LIMCH1: variants seen among roughly 807,000 people sequenced by gnomAD.
The protein encoded by LIMCH1 is LIM and calponin homology domains-containing protein 1.
Under a neutral mutation model 176.5 loss-of-function variants are expected in LIMCH1, and 113 were observed. That is an observed-to-expected ratio of 0.64 (90% CI 0.55 to 0.75). The LOEUF (loss-of-function observed/expected upper bound fraction) is 0.75, where lower values mean the gene tolerates loss of function less well. LIMCH1 is among the 30% of genes least tolerant of loss of function. The pLI is 0.00. For missense variants in LIMCH1, 1,674 were observed against 1,814.9 expected (o/e 0.92, Z 1.41); for synonymous variants, 619 against 645.9 (o/e 0.96, Z 0.63).
intron 22 of LIMCH1, among the ~76,000 whole-genome samples, chr4:41,674,328 A>G (rs552436783): frequency 9.9e-5 from 15 of 152,276 alleles, no homozygotes; most frequent in Non-Finnish European, 2.2e-4. Context: ...TGTTTTTTGT[A>G]TGGCTTTATT....
intron 1 of LIMCH1, among the ~76,000 whole-genome samples, chr4:41,379,145 G>A (rs1220447246): frequency 6.6e-6 from 1 of 152,314 alleles, no homozygotes; most frequent in African/African-American, 2.4e-5. Context: ...TTAGTTAGAT[G>A]GTTCTGGCTC....
chr4:41,526,627 C>G (rs924082558), intron 3 of LIMCH1, among the ~76,000 whole-genome samples: 5 of 152,134 alleles, frequency 3.3e-5, no homozygotes, highest in East Asian at 1.9e-4. Context: ...TTCAGCTCTC[C>G]ATGATATTGA....
In LIMCH1 at chr4:41,420,699, G is replaced by A. The variant is rs2060534172; in HGVS notation, c.96+59763G>A. Reference sequence around the variant, plus strand: ...CGTGCTGGCCTCCGGAGGCCCTTGAGATATGCTCACATGCTTGGCAGGTCC... The same window carrying A: ...CGTGCTGGCCTCCGGAGGCCCTTGAAATATGCTCACATGCTTGGCAGGTCC... On this transcript the variant is annotated intron_variant, in intron 1 of 26. Coordinates refer to the LIMCH1 transcript ENST00000313860. 2.0e-5 allele frequency among the ~76,000 whole-genome samples: 3 copies of A among 152,192 alleles called. No individual in the cohort carries two copies. In the South Asian group the frequency reaches 6.2e-4, roughly 31 times the overall value.
At chr4:41,693,513 A>G (rs1050713269) in intron 31 of LIMCH1, among the ~76,000 whole-genome samples, 9 of 151,298 alleles carry the variant, frequency 5.9e-5, no homozygotes, top group African/African-American at 9.7e-5. Flanking sequence ...AAACTGGACT[A>G]TTTAGATCAT....
chr4:41,694,384 A>G (rs1586128973), intron 31 of LIMCH1, among the ~76,000 whole-genome samples: 1 of 152,304 alleles, frequency 6.6e-6, no homozygotes, highest in South Asian at 2.1e-4. Flanking sequence ...GTACATGTGT[A>G]TGCACACACT....
intron 14 of LIMCH1, among the ~76,000 whole-genome samples, chr4:41,643,079 T>A (rs2093902336): frequency 6.6e-6 from 1 of 152,222 alleles, no homozygotes. Flanking sequence ...CTCTTAGACT[T>A]AAATTGTCCA....
chr4:41,401,344 A>G (rs1461650237), intron 1 of LIMCH1, among the ~76,000 whole-genome samples: 1 of 152,036 alleles, frequency 6.6e-6, no homozygotes, highest in Non-Finnish European at 1.5e-5. Context: ...ATAGTTGTAG[A>G]TATGCGGCGT....
At position 41,650,468 on chromosome 4, in the gene LIMCH1, G is replaced by A. The variant is rs376451684; in HGVS notation, c.2896G>A (p.Ala966Thr). The change falls in exon 18 of 32, where the codon GCA becomes ACA. Residue 966 changes from alanine to threonine, a missense_variant. Ala to Thr is a moderately conservative substitution (Grantham distance 58, BLOSUM62 0). Around this residue, in one of 3 missense-constraint regions of LIMCH1, gnomAD observed 1,015 missense variants for 1,102.5 expected, o/e 0.92. Coordinates refer to ENST00000503057, the MANE Select transcript of LIMCH1 (RefSeq NM_001330672.2). ...GAAGGAAAGAGAGTGTCCCACGGTG[G>A]CACCTGCCCACTCCTTAACCAAATC... Reference protein sequence around the residue: ...EEKERECPTVAPAHSLTKSQM... With the variant: ...EEKERECPTVTPAHSLTKSQM... 18 of 1,613,884 alleles carry A rather than the reference G, an allele frequency of 1.1e-5. No individual in the cohort carries two copies. Among genetic ancestry groups the A allele is most frequent in the Non-Finnish European group, 1.4e-5 (16 of 1,179,950 alleles).
chr4:41,542,443 A>G (rs1408320209), intron 1 of LIMCH1, among the ~76,000 whole-genome samples: 1 of 151,860 alleles, frequency 6.6e-6, no homozygotes, highest in African/African-American at 2.4e-5. Context: ...AAAAAATGTG[A>G]ATGTGTGAAT....
At chr4:41,671,449 T>A in intron 21 of LIMCH1, 105 bp from the exon 22 acceptor site, 1 of 745,562 alleles carries the variant, frequency 1.3e-6, no homozygotes. Context: ...CAAAATTGGT[T>A]TAAAGCTGAT....
At position 41,661,409 on chromosome 4, in the gene LIMCH1, C is replaced by T. The variant is rs1282898785; in HGVS notation, c.3037-11C>T. On this transcript the variant is annotated splice_polypyrimidine_tract_variant and intron_variant, in intron 18 of 31. Coordinates refer to ENST00000503057, the MANE Select transcript of LIMCH1 (RefSeq NM_001330672.2). ...TCATTTATTCAAGGGGGAAAAAAAT[C>T]TCTTTTTCAGGCAACCACTGAGAAA... 1.3e-6 allele frequency: 2 copies of T among 1,572,842 alleles called. No homozygotes were observed. Among genetic ancestry groups the T allele is most frequent in the African/African-American group, 1.4e-5 (1 of 72,820 alleles).
At chr4:41,590,030 G>C (rs949659338) in intron 1 of LIMCH1, among the ~76,000 whole-genome samples, 14 of 152,152 alleles carry the variant, frequency 9.2e-5, no homozygotes, top group Non-Finnish European at 1.8e-4. Context: ...AATCCAAAGA[G>C]AGGTGCTCAT....
chr4:41,573,567 A>T (rs142830496), intron 1 of LIMCH1, among the ~76,000 whole-genome samples: 1 of 152,186 alleles, frequency 6.6e-6, no homozygotes, highest in Non-Finnish European at 1.5e-5. Context: ...TGCTATTTTG[A>T]TGGCTGTATA....
intron 30 of LIMCH1, among the ~76,000 whole-genome samples, chr4:41,691,830 A>G (rs1726176900): frequency 1.3e-5 from 2 of 152,210 alleles, no homozygotes; most frequent in East Asian, 1.9e-4. Context: ...AGAACTTAGC[A>G]ACGATGCTGG....
At chr4:41,648,614 G>A (rs766061589) in intron 17 of LIMCH1, among the ~76,000 whole-genome samples, 21 of 150,828 alleles carry the variant, frequency 1.4e-4, no homozygotes, top group African/African-American at 4.7e-4. Flanking sequence ...AAATCAGACC[G>A]TTGTTACCAG....
rs189678141 is a variant in LIMCH1, at chr4:41,596,647, C to G, written c.-240-2273C>G. ...TTCAATCCTTGCTTTCTTTCCCTTTCTTTTCTACCTAGGACAGTGTCAATC... is the reference window on the plus strand; with the variant it reads ...TTCAATCCTTGCTTTCTTTCCCTTTGTTTTCTACCTAGGACAGTGTCAATC... On this transcript the variant is annotated intron_variant, in intron 1 of 31. Transcript: ENST00000503057. 4.0e-4 allele frequency among the ~76,000 whole-genome samples: 61 copies of G among 152,244 alleles called. No homozygotes were observed. The Middle Eastern group carries it at 0.01, about 25-fold the overall frequency.
At chr4:41,487,358 C>T (rs556197244) in intron 1 of LIMCH1, among the ~76,000 whole-genome samples, 38 of 152,194 alleles carry the variant, frequency 2.5e-4, no homozygotes, top group Admixed American at 4.6e-4. Flanking sequence ...GTGTGAAGAC[C>T]GTGCTCGGTC....
chr4:41,662,671 T>TC, intron 19 of LIMCH1, 150 bp from the exon 20 acceptor site: 6 of 794,466 alleles, frequency 7.6e-6, no homozygotes, highest in Non-Finnish European at 1.2e-5. Flanking sequence ...TCTTAGGCTC[T>TC]TTTATATCTC....
At chr4:41,474,575 G>T (rs2067453623) in intron 1 of LIMCH1, among the ~76,000 whole-genome samples, 1 of 152,152 alleles carries the variant, frequency 6.6e-6, no homozygotes. Context: ...ATGAAAATAT[G>T]CTCAACACCT....
Sources: gnomAD v4.1 joint callset for allele counts (sites outside exome capture counted in the v4.1 genomes callset) on GRCh38, gnomAD v4.1.1 for gene constraint, gnomAD v4.1.1 regional missense constraint, MANE v1.5 for transcripts, NCBI Gene and HGNC (gene_info 2026-07-23, HGNC 2026-07-21) for gene names.